Variants in GLYATL2 observed in about 807,000 individuals in gnomAD.
The protein encoded by GLYATL2 is glycine N-acyltransferase-like protein 2.
GLYATL2 carries 25 observed loss-of-function variants against 21.4 expected under a neutral mutation model. The observed-to-expected ratio is 1.17, with a 90% CI of 0.85 to 1.63. The LOEUF (loss-of-function observed/expected upper bound fraction) is 1.63. GLYATL2 is among the 40% of genes most tolerant of loss of function. The probability of loss-of-function intolerance (pLI) is 0.00; values close to 1 mark genes in which losing one functional copy is unlikely to be tolerated. For synonymous variants in GLYATL2, 114 were observed against 118.2 expected (o/e 0.96, Z 0.23); for missense variants, 361 against 343.3 (o/e 1.05, Z -0.41).
In GLYATL2 at chr11:58,844,612, G is replaced by C. The variant is rs1443241838; in HGVS notation, c.-219C>G. 1 of 152,200 alleles carries C rather than the reference G, an allele frequency of 6.6e-6. No homozygotes were observed. Among genetic ancestry groups the C allele is most frequent in the East Asian group, 1.9e-4 (1 of 5,194 alleles). 9.4% of individuals were successfully genotyped at this position (152,200 alleles called of 1,614,324 possible). ...TTATGGGTTCCTGTAGATTAAACCA[G>C]ACGTTCTGTCCATAGACAAGAAATC... On this transcript the variant is annotated 5_prime_UTR_variant, in exon 1 of 6. Transcript: ENST00000287275.
intron 1 of GLYATL2, among the ~76,000 whole-genome samples, chr11:58,870,465 A>G (rs1854098411): frequency 6.6e-6 from 1 of 152,174 alleles, no homozygotes; most frequent in African/African-American, 2.4e-5. Context: ...TTATTGCAGG[A>G]GTTGCACAAA....
At chr11:58,871,558 T>A (rs1854121393) in intron 1 of GLYATL2, among the ~76,000 whole-genome samples, 1 of 151,976 alleles carries the variant, frequency 6.6e-6, no homozygotes, top group Non-Finnish European at 1.5e-5. Context: ...CTTGTGATAG[T>A]TTGCTGAGAA....
chr11:58,869,607 G>A (rs896832313), intron 1 of GLYATL2, among the ~76,000 whole-genome samples: 2 of 152,136 alleles, frequency 1.3e-5, no homozygotes, highest in African/African-American at 4.8e-5. Context: ...TATGCATCTA[G>A]ATGTGTTTAT....
At chr11:58,909,258 A>G in the GLYATL2 span, among the ~76,000 whole-genome samples, 1 of 152,204 alleles carries the variant, frequency 6.6e-6, no homozygotes, top group Non-Finnish European at 1.5e-5. Context: ...AAACAGAGGT[A>G]TTAGTCAAGG....
chr11:58,884,777 G>C (rs1287211311), intron 1 of GLYATL2: 1 of 158,648 alleles, frequency 6.3e-6, no homozygotes, highest in East Asian at 1.9e-4. Context: ...TCTGAGATTT[G>C]GTATATTTAG....
chr11:58,860,490 C>G (rs1005088580), intron 1 of GLYATL2, among the ~76,000 whole-genome samples: 22 of 152,124 alleles, frequency 1.4e-4, no homozygotes, highest in African/African-American at 5.3e-4. Flanking sequence ...CTAGTTTTAA[C>G]CTAGTTTGCT....
At chr11:58,864,203 G>A (rs1431186469) in intron 1 of GLYATL2, among the ~76,000 whole-genome samples, 2 of 152,154 alleles carry the variant, frequency 1.3e-5, no homozygotes, top group African/African-American at 4.8e-5. Context: ...CACTGGCCTG[G>A]TGACTAAAGT....
chr11:58,845,777 G>A (rs1309141136), upstream of GLYATL2, among the ~76,000 whole-genome samples: 1 of 152,168 alleles, frequency 6.6e-6, no homozygotes, highest in Non-Finnish European at 1.5e-5. Context: ...TCTGGAACAT[G>A]AGGCCAAATA....
chr11:58,894,485 A>AAAAAG (rs1854602144), intron 1 of GLYATL2, among the ~76,000 whole-genome samples: 1 of 151,854 alleles, frequency 6.6e-6, no homozygotes, highest in East Asian at 1.9e-4. Context: ...GCAAAAAAAA[A>AAAAAG]AAAAAAAAGC....
chr11:58,851,170 GC>G, intron 1 of GLYATL2, among the ~76,000 whole-genome samples: 1 of 152,138 alleles, frequency 6.6e-6, no homozygotes, highest in East Asian at 1.9e-4. Context: ...GGCATTCGGG[GC>G]CACTACTGGT....
chr11:58,898,259 T>C (rs949322502), intron 1 of GLYATL2, among the ~76,000 whole-genome samples: 1 of 152,190 alleles, frequency 6.6e-6, no homozygotes, highest in Non-Finnish European at 1.5e-5. Context: ...GTGTGCTAAG[T>C]GAGACAAATG....
chr11:58,859,204 T>A (rs975247641), intron 1 of GLYATL2, among the ~76,000 whole-genome samples: 6 of 152,144 alleles, frequency 3.9e-5, no homozygotes, highest in Middle Eastern at 6.8e-3. Context: ...TCTGCTAGCC[T>A]ACCCCCATCC....
At chr11:58,906,065 C>A (rs6591500), upstream of GLYATL2, among the ~76,000 whole-genome samples, 42,324 of 152,080 alleles carry the variant, frequency 0.28, 6,349 homozygotes, top group Middle Eastern at 0.36. Context: ...GAATCGGGAG[C>A]AGCGGGCACT....
chr11:58,847,993 G>A (rs540704535), upstream of GLYATL2, among the ~76,000 whole-genome samples: 738 of 114,582 alleles, frequency 6.4e-3, 9 homozygotes, highest in African/African-American at 0.021. Context: ...AACAGAGAGA[G>A]AGGCTTTTTT....
Position 58,858,472 on chromosome 11 carries a change from A to T in GLYATL2, n.61-20104T>A, listed in dbSNP as rs1421158504. Among the ~76,000 whole-genome samples, 507 of 141,680 alleles carry T rather than the reference A, an allele frequency of 3.6e-3. 6 individuals are homozygous for T. Among genetic ancestry groups the T allele is most frequent in the African/African-American group, 0.01 (410 of 39,328 alleles). 92.9% of individuals were successfully genotyped at this position (141,680 alleles called of 152,430 possible). A position where few individuals can be genotyped will look rare whatever the true frequency, so the allele number is the denominator to read the frequency against. The stretch of plus-strand genomic sequence containing the variant: ...AGATGAAGAATTGGGCTTTTTTAAA[A>T]AAAAAAAAAATTGGATCAAATAAGC... On this transcript the variant is annotated intron_variant and non_coding_transcript_variant, in intron 1 of 4. Coordinates refer to the GLYATL2 transcript ENST00000533636.
At chr11:58,838,206 T>A (rs1853474384) in intron 3 of GLYATL2, 55 bp downstream of exon 3, 1 of 1,151,378 alleles carries the variant, frequency 8.7e-7, no homozygotes, top group African/African-American at 1.5e-5. Context: ...CTCATTGCCA[T>A]GCAGAGAACG....
chr11:58,898,910 C>A (rs938383006), intron 1 of GLYATL2, among the ~76,000 whole-genome samples: 1 of 152,182 alleles, frequency 6.6e-6, no homozygotes, highest in Non-Finnish European at 1.5e-5. Flanking sequence ...TGAAGACTTT[C>A]AAAACCACAA....
In GLYATL2 at chr11:58,834,403, A is replaced by T; in HGVS notation, c.*26T>A. ...ATTAATGTTTTTTTACTGATAAGAA[A>T]GATTTGAAATGGACAGTGGAATCAA... On this transcript the variant is annotated 3_prime_UTR_variant, in exon 6 of 6. Coordinates refer to ENST00000287275, the MANE Select transcript of GLYATL2 (RefSeq NM_145016.4). 4 of 1,529,374 alleles carry T rather than the reference A, an allele frequency of 2.6e-6. No individual in the cohort carries two copies. Among genetic ancestry groups the T allele is most frequent in the Non-Finnish European group, 3.5e-6 (4 of 1,139,192 alleles). 94.7% of individuals were successfully genotyped at this position (1,529,374 alleles called of 1,614,324 possible).
chr11:58,860,204 C>T (rs973887369), intron 1 of GLYATL2, among the ~76,000 whole-genome samples: 4 of 152,022 alleles, frequency 2.6e-5, no homozygotes, highest in Non-Finnish European at 4.4e-5. Flanking sequence ...TCACTTGGGC[C>T]ATTATTGTCA....
Sources: gnomAD v4.1 joint callset for allele counts (sites outside exome capture counted in the v4.1 genomes callset) on GRCh38, gnomAD v4.1.1 for gene constraint, MANE v1.5 for transcripts, NCBI Gene and HGNC (gene_info 2026-07-23, HGNC 2026-07-21) for gene names.